CTNNA3: variants seen among roughly 807,000 people sequenced by gnomAD.
CTNNA3 encodes catenin alpha 3, also known as catenin alpha-3.
Under a neutral mutation model 95.7 loss-of-function variants are expected in CTNNA3, and 76 were observed. The observed-to-expected ratio is 0.79, with a 90% CI of 0.66 to 0.96. CTNNA3 has a LOEUF of 0.96. Among genes scored for constraint, CTNNA3 ranks in the 40% least tolerant of loss-of-function variants. The pLI is 0.00. For missense variants in CTNNA3, 1,191 were observed against 1,089.8 expected, an observed-to-expected ratio of 1.09 and a Z score of -1.31; for synonymous variants, 431 against 374.4, an observed-to-expected ratio of 1.15 and a Z score of -1.74.
chr10:67,299,484 G>A (rs912185970), intron 5 of CTNNA3, among the ~76,000 whole-genome samples: 4 of 152,086 alleles, frequency 2.6e-5, no homozygotes, highest in African/African-American at 9.7e-5. Context: ...AGCCAGAATC[G>A]AATAACTCAG....
chr10:67,040,342 G>A (rs1188860792), intron 7 of CTNNA3, among the ~76,000 whole-genome samples: 1 of 152,054 alleles, frequency 6.6e-6, no homozygotes, highest in East Asian at 1.9e-4. Context: ...GATGGAGAGA[G>A]AACAACCTCA....
intron 12 of CTNNA3, among the ~76,000 whole-genome samples, chr10:66,288,116 T>C (rs1430620339): frequency 6.6e-6 from 1 of 152,074 alleles, no homozygotes; most frequent in Admixed American, 6.6e-5. Flanking sequence ...ATAAATTGTA[T>C]ATACAGATAT....
At chr10:67,451,740 C>T (rs1846991888) in intron 5 of CTNNA3, among the ~76,000 whole-genome samples, 1 of 152,188 alleles carries the variant, frequency 6.6e-6, no homozygotes, top group Non-Finnish European at 1.5e-5. Flanking sequence ...TCTGTTCTAA[C>T]TTTCACACAT....
chr10:66,391,158 C>T (rs987600453), intron 11 of CTNNA3, among the ~76,000 whole-genome samples: 2 of 151,974 alleles, frequency 1.3e-5, no homozygotes, highest in African/African-American at 4.8e-5. Context: ...CTTATTCTTT[C>T]GCTTTTAGAC....
At chr10:67,050,780 G>A (rs1481042418) in intron 7 of CTNNA3, among the ~76,000 whole-genome samples, 1 of 152,180 alleles carries the variant, frequency 6.6e-6, no homozygotes, top group Non-Finnish European at 1.5e-5. Context: ...TTTAAAATGA[G>A]GTAGGTTGTG....
chr10:67,565,969 G>T (rs1841753778), intron 3 of CTNNA3, among the ~76,000 whole-genome samples: 1 of 125,556 alleles, frequency 8.0e-6, no homozygotes, highest in Non-Finnish European at 1.6e-5. Flanking sequence ...TAGATGAATG[G>T]ATAAAGAAAA....
intron 5 of CTNNA3, among the ~76,000 whole-genome samples, chr10:67,227,405 T>C (rs1864976813): frequency 6.6e-6 from 1 of 152,134 alleles, no homozygotes; most frequent in South Asian, 2.1e-4. Context: ...GGGTAGCTAT[T>C]CTTATATCAG....
chr10:66,190,523 T>C (rs1320167929), intron 13 of CTNNA3, among the ~76,000 whole-genome samples: 1 of 152,186 alleles, frequency 6.6e-6, no homozygotes, highest in Non-Finnish European at 1.5e-5. Context: ...AGATTAATTA[T>C]GCTTTCCTCA....
At chr10:66,859,221 A>G (rs1435409060) in intron 7 of CTNNA3, among the ~76,000 whole-genome samples, 1 of 152,136 alleles carries the variant, frequency 6.6e-6, no homozygotes, top group African/African-American at 2.4e-5. Flanking sequence ...GGCACTTTCG[A>G]AAAGGCAACC....
intron 3 of CTNNA3, among the ~76,000 whole-genome samples, chr10:67,589,097 A>G (rs1164505889): frequency 6.6e-6 from 1 of 152,120 alleles, no homozygotes; most frequent in Non-Finnish European, 1.5e-5. Context: ...GGGGAAAGAC[A>G]GATAGTATAC....
chr10:66,043,766 C>T (rs1759665399), intron 15 of CTNNA3, among the ~76,000 whole-genome samples: 1 of 152,240 alleles, frequency 6.6e-6, no homozygotes, highest in East Asian at 1.9e-4. Context: ...GATACTATCC[C>T]TGTTCTTCAG....
At chr10:66,823,659 T>C (rs1412713144) in intron 7 of CTNNA3, among the ~76,000 whole-genome samples, 1 of 152,142 alleles carries the variant, frequency 6.6e-6, no homozygotes, top group East Asian at 1.9e-4. Context: ...AAAATAACAA[T>C]AATAACAATA....
Position 66,435,152 on chromosome 10 carries a change from T to C in CTNNA3, c.1532-55800A>G, listed in dbSNP as rs1208127792. ...CCAGGTTTTGGTATCAGGATGATGCTGGCCTCATAAAATGAGTTATTTTAT... is the reference window on the plus strand; with the variant it reads ...CCAGGTTTTGGTATCAGGATGATGCCGGCCTCATAAAATGAGTTATTTTAT... On this transcript the variant is annotated intron_variant, in intron 11 of 17. Transcript: ENST00000433211. Among the ~76,000 whole-genome samples the C allele has an allele frequency of 3.3e-5, 5 of 152,324 alleles. No homozygotes were observed. The East Asian group carries it at 9.6e-4, about 29-fold the overall frequency.
At chr10:67,315,262 C>A (rs1840993001) in intron 5 of CTNNA3, among the ~76,000 whole-genome samples, 1 of 152,084 alleles carries the variant, frequency 6.6e-6, no homozygotes, top group Admixed American at 6.6e-5. Context: ...AAGTAAACTC[C>A]CCATCTTTTC....
At chr10:66,911,758 C>T (rs1846232776) in intron 7 of CTNNA3, among the ~76,000 whole-genome samples, 1 of 152,156 alleles carries the variant, frequency 6.6e-6, no homozygotes, top group African/African-American at 2.4e-5. Flanking sequence ...GTCACTACTA[C>T]TTGGTATTAC....
intron 1 of CTNNA3, among the ~76,000 whole-genome samples, chr10:67,735,262 G>C (rs1841296698): frequency 6.6e-6 from 1 of 151,980 alleles, no homozygotes; most frequent in Non-Finnish European, 1.5e-5. Context: ...CTGGGAAAGA[G>C]TATATGTGCA....
chr10:67,305,716 T>C (rs763381991), intron 5 of CTNNA3, among the ~76,000 whole-genome samples: 1 of 152,114 alleles, frequency 6.6e-6, no homozygotes, highest in Non-Finnish European at 1.5e-5. Flanking sequence ...GAGTGGTAGA[T>C]GTGAAAGTGG....
chr10:67,087,852 G>A (rs899196246), intron 7 of CTNNA3, among the ~76,000 whole-genome samples: 9 of 151,916 alleles, frequency 5.9e-5, no homozygotes, highest in Non-Finnish European at 1.3e-4. Flanking sequence ...ATTCATTCAA[G>A]TATTCATTCA....
At chr10:66,616,766 C>T (rs1416229376) in intron 10 of CTNNA3, among the ~76,000 whole-genome samples, 1 of 152,024 alleles carries the variant, frequency 6.6e-6, no homozygotes, top group African/African-American at 2.4e-5. Flanking sequence ...AACTGACTCA[C>T]TCTAAAATCA....
Sources: allele counts gnomAD v4.1 joint callset (sites outside exome capture counted in the v4.1 genomes callset), GRCh38; gene constraint gnomAD v4.1.1; transcripts MANE v1.5; gene names NCBI Gene and HGNC (gene_info 2026-07-23, HGNC 2026-07-21).